Variants in RALGAPA1 observed in about 807,000 individuals in gnomAD.
RALGAPA1 encodes the protein Ral GTPase activating protein catalytic subunit alpha 1.
RALGAPA1 carries 52 observed loss-of-function variants against 269.6 expected under a neutral mutation model. The observed-to-expected ratio is 0.19, with a 90% CI of 0.15 to 0.24. The LOEUF (loss-of-function observed/expected upper bound fraction) is 0.24. Among genes scored for constraint, RALGAPA1 ranks in the 10% least tolerant of loss-of-function variants. RALGAPA1 has a pLI of 1.00. For synonymous variants in RALGAPA1, 817 were observed against 1,008.3 expected (o/e 0.81, Z 3.60); for missense variants, 1,917 against 3,013.9 (o/e 0.64, Z 8.52).
At chr14:35,724,956 AAAC>A in intron 14 of RALGAPA1, 65 bp downstream of exon 14, 2 of 1,253,508 alleles carry the variant, frequency 1.6e-6, no homozygotes, top group Non-Finnish European at 2.1e-6. Flanking sequence ...AAAAACAAAC[AAAC>A]AACAAAACAA....
At chr14:35,682,855 G>C (rs530291346) in intron 21 of RALGAPA1, among the ~76,000 whole-genome samples, 1 of 152,230 alleles carries the variant, frequency 6.6e-6, no homozygotes, top group Admixed American at 6.5e-5. Context: ...GCCATATTCT[G>C]CAATGGGGCT....
intron 1 of RALGAPA1, among the ~76,000 whole-genome samples, chr14:35,776,908 TA>T (rs1335157173): frequency 1.8e-4 from 27 of 147,160 alleles, no homozygotes; most frequent in Non-Finnish European, 2.1e-4. Flanking sequence ...TATGAAGCTT[TA>T]AAAAAAAAAA....
intron 37 of RALGAPA1, among the ~76,000 whole-genome samples, chr14:35,583,618 C>T (rs147500419): frequency 2.0e-5 from 3 of 152,228 alleles, no homozygotes; most frequent in East Asian, 1.9e-4. Context: ...GTGAACACCA[C>T]GCAGGGTAAA....
At chr14:35,766,782 TA>T in intron 4 of RALGAPA1, 1 of 512,480 alleles carries the variant, frequency 2.0e-6, no homozygotes, top group Non-Finnish European at 4.0e-6. Context: ...TGGAGTATGC[TA>T]ACTCCCACCA....
At chr14:35,707,932 C>T (rs911010421) in intron 16 of RALGAPA1, among the ~76,000 whole-genome samples, 1 of 151,552 alleles carries the variant, frequency 6.6e-6, no homozygotes, top group African/African-American at 2.4e-5. Flanking sequence ...ACCAATAGAA[C>T]AGAACAGAGA....
Position 35,742,415 on chromosome 14 carries a change from C to T in RALGAPA1, c.1402G>A (p.Val468Ile). 6.2e-7 allele frequency: 1 copy of T among 1,605,592 alleles called. No homozygotes were observed. Among genetic ancestry groups the T allele is most frequent in the South Asian group, 1.1e-5 (1 of 90,356 alleles). The part of the protein sequence containing the change: ...TSSDLPCIEN[V>I]TDHDISMEEG... ...TCCATTGAAATATCATGGTCTGTGACATTTTCAATGCAAGGGAGGTCTGAA... is the reference window on the plus strand; with the variant it reads ...TCCATTGAAATATCATGGTCTGTGATATTTTCAATGCAAGGGAGGTCTGAA... The change falls in exon 11 of 42, where the codon GTC becomes ATC. Residue 468 changes from valine (V) to isoleucine (I), a missense_variant. Physicochemically the swap from Val to Ile is conservative, Grantham distance 29. This residue lies in a region of RALGAPA1 where 462 missense variants were observed against 725.6 expected (regional missense o/e 0.64). Coordinates refer to ENST00000680220, the MANE Select transcript of RALGAPA1 (RefSeq NM_001346249.2).
chr14:35,544,794 C>T (rs1466595322), intron 41 of RALGAPA1, among the ~76,000 whole-genome samples: 6 of 152,114 alleles, frequency 3.9e-5, no homozygotes, highest in Non-Finnish European at 7.4e-5. Context: ...AATCTGTAAC[C>T]GCAGCAATTT....
intron 17 of RALGAPA1, among the ~76,000 whole-genome samples, chr14:35,693,832 C>T (rs2066689801): frequency 6.6e-6 from 1 of 151,764 alleles, no homozygotes; most frequent in African/African-American, 2.4e-5. Context: ...TAAAATGGGT[C>T]AATTATTTCT....
chr14:35,616,402 A>T (rs931560695), intron 35 of RALGAPA1, among the ~76,000 whole-genome samples: 3 of 152,186 alleles, frequency 2.0e-5, no homozygotes, highest in African/African-American at 7.2e-5. Context: ...AAATGATCAG[A>T]GAGAATTTTA....
chr14:35,697,259 A>G (rs1385438076), intron 17 of RALGAPA1, among the ~76,000 whole-genome samples: 1 of 152,214 alleles, frequency 6.6e-6, no homozygotes, highest in Admixed American at 6.5e-5. Flanking sequence ...ATGGCACAGG[A>G]TATCAATATG....
intron 35 of RALGAPA1, among the ~76,000 whole-genome samples, chr14:35,610,092 C>G (rs2059836826): frequency 6.6e-6 from 1 of 151,224 alleles, no homozygotes; most frequent in Admixed American, 6.6e-5. Flanking sequence ...AGATGATCAA[C>G]AAAATTAACC....
chr14:35,611,286 G>GGT (rs2059914866), intron 35 of RALGAPA1, among the ~76,000 whole-genome samples: 1 of 152,060 alleles, frequency 6.6e-6, no homozygotes, highest in Non-Finnish European at 1.5e-5. Flanking sequence ...ATGAGGTCAA[G>GGT]AGATAGAGGG....
chr14:35,762,535 C>T lies in RALGAPA1; in HGVS notation c.369+175G>A, dbSNP rs535350174. On this transcript the variant is annotated intron_variant, in intron 5 of 41. Coordinates refer to ENST00000680220, the MANE Select transcript of RALGAPA1 (RefSeq NM_001346249.2). ...CCTCCCAAAGTGCAGAGATTACAGG[C>T]GTGAGCCACTGCACCCAGCCTCTTG... 6.6e-5 allele frequency among the ~76,000 whole-genome samples: 10 copies of T among 152,268 alleles called. No homozygotes were observed. In the East Asian group the frequency reaches 7.7e-4, roughly 12 times the overall value.
At chr14:35,632,724 C>A (rs901369127) in intron 33 of RALGAPA1, among the ~76,000 whole-genome samples, 2 of 152,152 alleles carry the variant, frequency 1.3e-5, no homozygotes, top group Non-Finnish European at 2.9e-5. Context: ...ATAATTACAG[C>A]CACTCCTGAC....
intron 12 of RALGAPA1, among the ~76,000 whole-genome samples, chr14:35,730,706 A>G (rs145214067): frequency 2.6e-5 from 4 of 152,180 alleles, no homozygotes; most frequent in African/African-American, 7.2e-5. Context: ...CCTCACCCCC[A>G]TCCCTCACAG....
chr14:35,688,535 C>T lies in RALGAPA1; in HGVS notation c.3876G>A (p.Gln1292=). ...GTGGAGCCTCTGGTGGCATTCTGTT[C>T]TGCCTCTGTGGGGAAACATTTGCCT... ...KPKANVSPQR[Q]NRMPPEAPLR... Residue 1292 remains glutamine (Q), a synonymous_variant, in exon 18 of 42, where the codon CAG becomes CAA. Transcript: ENST00000680220. The T allele has an allele frequency of 6.5e-7, 1 of 1,536,120 alleles. No individual in the cohort carries two copies. The highest frequency in any genetic ancestry group is 1.2e-5 in the South Asian group (1 of 84,064).
chr14:35,653,932 T>G (rs1353768201), intron 30 of RALGAPA1, among the ~76,000 whole-genome samples: 1 of 152,200 alleles, frequency 6.6e-6, no homozygotes, highest in Non-Finnish European at 1.5e-5. Context: ...TAAAGCAACA[T>G]ACATGTTTAT....
chr14:35,561,770 A>C (rs2056283783), intron 39 of RALGAPA1, among the ~76,000 whole-genome samples: 1 of 151,952 alleles, frequency 6.6e-6, no homozygotes, highest in African/African-American at 2.4e-5. Context: ...TTGACCTCCC[A>C]AAGTGCTGGT....
chr14:35,612,302 T>G (rs1320813305), intron 35 of RALGAPA1, among the ~76,000 whole-genome samples: 1 of 150,912 alleles, frequency 6.6e-6, no homozygotes, highest in African/African-American at 2.4e-5. Flanking sequence ...GCCCAGGAAG[T>G]TGAGGTTGCA....
Sources: gnomAD v4.1 joint callset for allele counts (sites outside exome capture counted in the v4.1 genomes callset) on GRCh38, gnomAD v4.1.1 for gene constraint, gnomAD v4.1.1 regional missense constraint, MANE v1.5 for transcripts, NCBI Gene and HGNC (gene_info 2026-07-23, HGNC 2026-07-21) for gene names.